STXBP5L: variants seen among roughly 807,000 people sequenced by gnomAD.
The protein encoded by STXBP5L is syntaxin binding protein 5L.
A neutral mutation model predicts 144.5 loss-of-function variants in STXBP5L; 65 were observed. That is an observed-to-expected ratio of 0.45 (90% confidence interval 0.37 to 0.55). STXBP5L has a LOEUF of 0.55. STXBP5L is among the 20% of genes least tolerant of loss of function. The probability of loss-of-function intolerance (pLI) is 0.00; values close to 1 mark genes in which losing one functional copy is unlikely to be tolerated. For synonymous variants in STXBP5L, 505 were observed against 469.6 expected, an observed-to-expected ratio of 1.08 and a Z score of -0.97; for missense variants, 1,298 against 1,405.5, an observed-to-expected ratio of 0.92 and a Z score of 1.22.
chr3:121,352,247 G>A lies in STXBP5L; in HGVS notation c.2177-26469G>A, dbSNP rs533821693. ...AAGTCATTGGTAGCTTGATGGGGAT[G>A]GCATTGAATCTATAAATTACCTTGG... On this transcript the variant is annotated intron_variant, in intron 20 of 26. Coordinates refer to ENST00000471454, the MANE Select transcript of STXBP5L (RefSeq NM_001308330.2). 4.5e-4 allele frequency among the ~76,000 whole-genome samples: 69 copies of A among 152,122 alleles called. 1 individual carries two copies. The highest frequency in any genetic ancestry group is 1.6e-3 in the African/African-American group (68 of 41,480).
At chr3:121,265,767 C>A (rs1198568594) in intron 18 of STXBP5L, among the ~76,000 whole-genome samples, 2 of 151,838 alleles carry the variant, frequency 1.3e-5, no homozygotes, top group African/African-American at 4.8e-5. Context: ...CAAACAGGAA[C>A]AATAAAAAAT....
At position 121,230,317 on chromosome 3, in the gene STXBP5L, A is replaced by G. The variant is rs113710822; in HGVS notation, c.1112-3299A>G. ...AACCTTAGACTAGTCCCATTTGCCA[A>G]AAGATTTCTAAGTCAAATGTGAACT... On this transcript the variant is annotated intron_variant, in intron 11 of 26. Transcript: ENST00000471454. 2.5e-3 allele frequency among the ~76,000 whole-genome samples: 380 copies of G among 152,086 alleles called. 2 individuals are homozygous for G. The highest frequency in any genetic ancestry group is 8.6e-3 in the African/African-American group (357 of 41,504).
At position 121,409,579 on chromosome 3, in the gene STXBP5L, T is replaced by A. The variant is rs746814758; in HGVS notation, c.2948+1976T>A. ...AACAAAATCGACCTCCATTCCCCTATCTGATTTTGTACAGCCTGCAAGCAT... is the reference window on the plus strand; with the variant it reads ...AACAAAATCGACCTCCATTCCCCTAACTGATTTTGTACAGCCTGCAAGCAT... On this transcript the variant is annotated intron_variant, in intron 23 of 26. Transcript: ENST00000471454. 3.3e-5 allele frequency among the ~76,000 whole-genome samples: 5 copies of A among 151,926 alleles called. 1 individual carries two copies. Among genetic ancestry groups the A allele is most frequent in the Non-Finnish European group, 5.9e-5 (4 of 67,884 alleles).
chr3:121,312,446 C>CTTTTTTTT (rs58989280), intron 19 of STXBP5L, among the ~76,000 whole-genome samples: 8 of 12,752 alleles, frequency 6.3e-4, no homozygotes, highest in Non-Finnish European at 9.4e-4. Flanking sequence ...GTATGTCAAT[C>CTTTTTTTT]TTTTTTTTTT....
intron 5 of STXBP5L, 149 bp downstream of exon 5, chr3:121,045,684 T>G (rs1036094763): frequency 4.0e-6 from 3 of 744,470 alleles, no homozygotes; most frequent in Non-Finnish European, 6.3e-6. Context: ...TGTTTTCTTT[T>G]TTGTAGAAAA....
chr3:121,174,174 T>C (rs2046842147), intron 9 of STXBP5L, among the ~76,000 whole-genome samples: 2 of 152,172 alleles, frequency 1.3e-5, no homozygotes, highest in Non-Finnish European at 2.9e-5. Flanking sequence ...TAATACTGCA[T>C]CTTTACAGTT....
At chr3:121,034,664 A>C (rs1041086492) in intron 3 of STXBP5L, among the ~76,000 whole-genome samples, 2 of 152,158 alleles carry the variant, frequency 1.3e-5, no homozygotes, top group African/African-American at 4.8e-5. Context: ...TGCTATTGCG[A>C]ATAGTGCTGC....
intron 9 of STXBP5L, among the ~76,000 whole-genome samples, chr3:121,169,971 A>G (rs1215279678): frequency 6.6e-6 from 1 of 152,210 alleles, no homozygotes; most frequent in East Asian, 1.9e-4. Context: ...GCAAATGCAA[A>G]AGAACAGATA....
At chr3:120,996,530 G>A (rs556045929) in intron 3 of STXBP5L, among the ~76,000 whole-genome samples, 12 of 152,164 alleles carry the variant, frequency 7.9e-5, no homozygotes, top group South Asian at 6.2e-4. Flanking sequence ...AGTAGCTATA[G>A]TCATCATGCT....
At chr3:121,053,937 AACAG>A (rs1254526744) in intron 5 of STXBP5L, among the ~76,000 whole-genome samples, 8 of 152,234 alleles carry the variant, frequency 5.3e-5, no homozygotes. Flanking sequence ...AAAGGATATG[AACAG>A]ACACTTCTCA....
At chr3:121,125,339 G>A (rs1008590499) in intron 7 of STXBP5L, among the ~76,000 whole-genome samples, 1 of 152,042 alleles carries the variant, frequency 6.6e-6, no homozygotes, top group Non-Finnish European at 1.5e-5. Context: ...TTGTGTGGTG[G>A]CATGCGCCTG....
chr3:121,059,632 G>T lies in STXBP5L; in HGVS notation c.470+14097G>T, dbSNP rs539424041. Reference sequence around the variant, plus strand: ...GCATGGAATGTTTTTCCGTTTGTTTGTGTCCTCTCTTATTTCCTTGAGCAG... The same window carrying T: ...GCATGGAATGTTTTTCCGTTTGTTTTTGTCCTCTCTTATTTCCTTGAGCAG... On this transcript the variant is annotated intron_variant, in intron 5 of 26. Transcript: ENST00000471454. 1.4e-4 allele frequency among the ~76,000 whole-genome samples: 22 copies of T among 152,216 alleles called. 1 individual carries two copies. The Middle Eastern group carries it at 0.014, about 94-fold the overall frequency.
chr3:121,391,607 CCTGT>C (rs894072574), intron 22 of STXBP5L, among the ~76,000 whole-genome samples: 2 of 152,124 alleles, frequency 1.3e-5, no homozygotes, highest in African/African-American at 4.8e-5. Context: ...TGATGCTATT[CCTGT>C]CTGTTAGTTT....
At chr3:121,382,474 T>C (rs2046343229) in intron 22 of STXBP5L, among the ~76,000 whole-genome samples, 1 of 152,114 alleles carries the variant, frequency 6.6e-6, no homozygotes, top group South Asian at 2.1e-4. Context: ...TATAAAGAAA[T>C]ATACACAATT....
At chr3:121,154,222 C>G (rs1292274910) in intron 8 of STXBP5L, among the ~76,000 whole-genome samples, 1 of 151,766 alleles carries the variant, frequency 6.6e-6, no homozygotes, top group Non-Finnish European at 1.5e-5. Context: ...TCATCTTTAT[C>G]TACTTTAATG....
At chr3:121,228,340 T>C (rs560399288) in intron 11 of STXBP5L, among the ~76,000 whole-genome samples, 1 of 152,140 alleles carries the variant, frequency 6.6e-6, no homozygotes, top group African/African-American at 2.4e-5. Flanking sequence ...CAAGAGCATA[T>C]GAAGTTCTGG....
chr3:121,360,636 A>G (rs1382782860), intron 20 of STXBP5L, among the ~76,000 whole-genome samples: 2 of 152,146 alleles, frequency 1.3e-5, no homozygotes, highest in Non-Finnish European at 2.9e-5. Context: ...ACCTGATAAC[A>G]ACACTATTTG....
At chr3:121,097,091 T>A (rs2043167872) in intron 5 of STXBP5L, among the ~76,000 whole-genome samples, 1 of 152,220 alleles carries the variant, frequency 6.6e-6, no homozygotes, top group South Asian at 2.1e-4. Context: ...TGCTCAGCTC[T>A]GCCCAGTTCA....
intron 10 of STXBP5L, among the ~76,000 whole-genome samples, chr3:121,211,578 CTTTTTT>C (rs1188424283): frequency 4.5e-5 from 5 of 110,268 alleles, no homozygotes; most frequent in Non-Finnish European, 8.7e-5. Context: ...TTTTTTCTTT[CTTTTTT>C]TTTTTTTTTT....
Sources: gnomAD v4.1 joint callset for allele counts (sites outside exome capture counted in the v4.1 genomes callset) on GRCh38, gnomAD v4.1.1 for gene constraint, MANE v1.5 for transcripts, NCBI Gene and HGNC (gene_info 2026-07-23, HGNC 2026-07-21) for gene names.